Variants in ABCD2 observed in about 807,000 individuals in gnomAD.
ABCD2 encodes ATP-binding cassette sub-family D member 2.
ABCD2 carries 36 observed loss-of-function variants against 70.9 expected under a neutral mutation model. The observed-to-expected ratio is 0.51, with a 90% CI of 0.39 to 0.67. The LOEUF (loss-of-function observed/expected upper bound fraction) is 0.67. Ranked by LOEUF, ABCD2 falls within the 30% of genes least tolerant of loss-of-function variation. The probability of loss-of-function intolerance (pLI) is 0.00; values close to 1 mark genes in which losing one functional copy is unlikely to be tolerated. For synonymous variants in ABCD2, 304 were observed against 306.9 expected (o/e 0.99, Z 0.10); for missense variants, 729 against 890.2 (o/e 0.82, Z 2.30).
At chr12:39,561,884 A>G (rs1941264964) in intron 9 of ABCD2, among the ~76,000 whole-genome samples, 1 of 152,222 alleles carries the variant, frequency 6.6e-6, no homozygotes, top group South Asian at 2.1e-4. Flanking sequence ...GCTTCAGAAT[A>G]TACATTCTTC....
chr12:39,611,302 A>AGGCATAG (rs937282604), intron 2 of ABCD2, among the ~76,000 whole-genome samples: 1 of 152,002 alleles, frequency 6.6e-6, no homozygotes, highest in Non-Finnish European at 1.5e-5. Flanking sequence ...ACAAGATATA[A>AGGCATAG]GGCATAGGGG....
chr12:39,554,769 TC>T (rs1941137006), intron 9 of ABCD2, among the ~76,000 whole-genome samples: 1 of 152,178 alleles, frequency 6.6e-6, no homozygotes, highest in Admixed American at 6.5e-5. Context: ...TAGGAGATGA[TC>T]CACCTTGTCC....
At chr12:39,586,063 A>C (rs1370880291) in intron 7 of ABCD2, 89 bp downstream of exon 7, 1 of 1,230,864 alleles carries the variant, frequency 8.1e-7, no homozygotes, top group Non-Finnish European at 1.1e-6. Context: ...TATAGCATAC[A>C]TTCAAATTAA....
the ABCD2 span, among the ~76,000 whole-genome samples, chr12:39,534,942 AAGAAAG>A: frequency 7.2e-6 from 1 of 138,310 alleles, no homozygotes; most frequent in Non-Finnish European, 1.6e-5. Flanking sequence ...GAAAGAAAGA[AAGAAAG>A]AAAACAAAGA....
downstream of ABCD2, chr12:39,549,939 G>A (rs942237566): frequency 6.6e-6 from 1 of 151,642 alleles, no homozygotes. Context: ...AATGATTTGT[G>A]CCTACTTGGT....
intron 3 of ABCD2, among the ~76,000 whole-genome samples, chr12:39,606,313 T>C (rs1941968570): frequency 6.6e-6 from 1 of 152,180 alleles, no homozygotes; most frequent in Non-Finnish European, 1.5e-5. Context: ...TTGGTCCCTC[T>C]GGTGCTAGCA....
chr12:39,558,052 A>T (rs770200384), intron 9 of ABCD2, among the ~76,000 whole-genome samples: 24 of 152,236 alleles, frequency 1.6e-4, no homozygotes, highest in Admixed American at 2.6e-4. Flanking sequence ...AAAGCAGCAG[A>T]CACTCAATGC....
intron 8 of ABCD2, among the ~76,000 whole-genome samples, chr12:39,577,717 T>C (rs1941538599): frequency 6.6e-6 from 1 of 152,158 alleles, no homozygotes; most frequent in Non-Finnish European, 1.5e-5. Flanking sequence ...TGTGACAAGT[T>C]ATTATGTAAG....
In ABCD2 at chr12:39,617,080, A is replaced by G. The variant is rs1248219239; in HGVS notation, c.1028T>C (p.Ile343Thr). The change falls in exon 2 of 10, where the codon ATA becomes ACA. Residue 343 changes from isoleucine (I) to threonine (T), a missense_variant. Around this residue, in one of 3 missense-constraint regions of ABCD2, gnomAD observed 195 missense variants for 300.2 expected, o/e 0.65. Transcript: ENST00000308666. ...ILSKRLWYIM[I>T]EQFLMKYVWS... Reference sequence around the variant, plus strand: ...AACATACTTCATCAGGAACTGTTCTATCATGATGTACCACAAACGTTTGGA... The same window carrying G: ...AACATACTTCATCAGGAACTGTTCTGTCATGATGTACCACAAACGTTTGGA... 1 of 1,613,176 alleles carries G rather than the reference A, an allele frequency of 6.2e-7. No homozygotes were observed. Among genetic ancestry groups the G allele is most frequent in the East Asian group, 2.2e-5 (1 of 44,830 alleles).
downstream of ABCD2, among the ~76,000 whole-genome samples, chr12:39,545,492 C>A (rs1165977481): frequency 2.0e-5 from 3 of 152,134 alleles, no homozygotes; most frequent in East Asian, 5.8e-4. Context: ...ATATAACATT[C>A]TCAGCAGGGA....
rs1000599649 is a variant in ABCD2 at position 39,553,703 on chromosome 12, G to C, written c.*209C>G. The C allele has an allele frequency of 1.9e-6, 1 of 527,578 alleles. No individual in the cohort carries two copies. Among genetic ancestry groups the C allele is most frequent in the Non-Finnish European group, 3.4e-6 (1 of 298,332 alleles). The allele number at this position is 527,578 out of a possible 1,614,324, so 32.7% of individuals were successfully genotyped here. A position where few individuals can be genotyped will look rare whatever the true frequency, so the allele number is the denominator to read the frequency against. ...TGCATTAGGCCTTCACTAGGAATTA[G>C]TATAAGTCATAATGACTGACCTTAC... On this transcript the variant is annotated 3_prime_UTR_variant, in exon 10 of 10. Coordinates refer to ENST00000308666, the MANE Select transcript of ABCD2 (RefSeq NM_005164.4).
At position 39,557,861 on chromosome 12, in the gene ABCD2, G is replaced by A. The variant is rs12302818; in HGVS notation, c.2004-3730C>T. 5.0e-4 allele frequency among the ~76,000 whole-genome samples: 76 copies of A among 152,338 alleles called. 1 individual carries two copies. The highest frequency in any genetic ancestry group is 1.7e-3 in the African/African-American group (69 of 41,580). On this transcript the variant is annotated intron_variant, in intron 9 of 9. Transcript: ENST00000308666. ...ATGTATGGAAACACCTGGATGTCCA[G>A]GCAGAAGTTTGCTGCAGGGTCAGAG...
chr12:39,534,766 GAAAGAAAGAA>G, the ABCD2 span, among the ~76,000 whole-genome samples: 2 of 18,180 alleles, frequency 1.1e-4, no homozygotes, highest in South Asian at 1.9e-3. Flanking sequence ...GAAAGAGAAA[GAAAGAAAGAA>G]AGAAAGAAAG....
the ABCD2 span, among the ~76,000 whole-genome samples, chr12:39,533,799 G>T: frequency 6.6e-6 from 1 of 152,190 alleles, no homozygotes; most frequent in South Asian, 2.1e-4. Context: ...ACTATTCACA[G>T]CATCTTTAGG....
chr12:39,605,056 TA>T, intron 3 of ABCD2, 126 bp from the exon 4 acceptor site: 1 of 635,606 alleles, frequency 1.6e-6, no homozygotes, highest in Non-Finnish European at 2.4e-6. Context: ...ATGAGATATA[TA>T]TAATACATCT....
the ABCD2 span, among the ~76,000 whole-genome samples, chr12:39,533,475 A>T: frequency 6.6e-6 from 1 of 152,248 alleles, no homozygotes; most frequent in African/African-American, 2.4e-5. Context: ...TGAATGAATT[A>T]ATAGTTTCTT....
At chr12:39,566,938 G>T (rs1247999511) in intron 9 of ABCD2, among the ~76,000 whole-genome samples, 1 of 152,208 alleles carries the variant, frequency 6.6e-6, no homozygotes, top group African/African-American at 2.4e-5. Flanking sequence ...TAGTTTAGCG[G>T]TTTTGAGTGA....
chr12:39,538,174 T>C, the ABCD2 span, among the ~76,000 whole-genome samples: 4 of 147,944 alleles, frequency 2.7e-5, no homozygotes, highest in African/African-American at 9.9e-5. Flanking sequence ...TTTCTTTCTT[T>C]TTTTTTTTTT....
chr12:39,618,670 A>G lies in ABCD2; in HGVS notation c.939+7T>C, dbSNP rs1203747605. ...CATTTCACCCATCACCTTAATTTCT[A>G]TCTTACCTTATGTCCTCTGTAAAAG... On this transcript the variant is annotated splice_region_variant and intron_variant, in intron 1 of 9. Coordinates refer to ENST00000308666, the MANE Select transcript of ABCD2 (RefSeq NM_005164.4). 2.5e-6 allele frequency: 4 copies of G among 1,606,226 alleles called. No individual in the cohort carries two copies. The highest frequency in any genetic ancestry group is 1.3e-5 in the African/African-American group (1 of 74,716).
Sources: allele counts gnomAD v4.1 joint callset (sites outside exome capture counted in the v4.1 genomes callset), GRCh38; gene constraint gnomAD v4.1.1; regional missense constraint gnomAD v4.1.1; transcripts MANE v1.5; gene names NCBI Gene and HGNC (gene_info 2026-07-23, HGNC 2026-07-21).